Variants in FAM169A observed in about 807,000 individuals in gnomAD.
FAM169A encodes soluble lamin-associated protein of 75 kDa.
FAM169A carries 24 observed loss-of-function variants against 75.7 expected under a neutral mutation model. The ratio of observed to expected loss-of-function variants is 0.32; its 90% CI spans 0.23 to 0.45. The LOEUF (loss-of-function observed/expected upper bound fraction) is 0.45. Ranked by LOEUF, FAM169A falls within the 20% of genes least tolerant of loss-of-function variation. The probability of loss-of-function intolerance (pLI) is 1.00; values close to 1 mark genes in which losing one functional copy is unlikely to be tolerated. For synonymous variants in FAM169A, 271 were observed against 271.0 expected (o/e 1.00, Z 0.00); for missense variants, 673 against 784.0 (o/e 0.86, Z 1.69).
chr5:74,829,004 T>G (rs1296624855), intron 5 of FAM169A, among the ~76,000 whole-genome samples: 2 of 152,234 alleles, frequency 1.3e-5, no homozygotes, highest in Non-Finnish European at 2.9e-5. Context: ...ATGTATGACT[T>G]ATACAGACTT....
intron 1 of FAM169A, among the ~76,000 whole-genome samples, chr5:74,857,365 A>C (rs907510114): frequency 1.3e-5 from 2 of 151,974 alleles, no homozygotes; most frequent in Admixed American, 1.3e-4. Flanking sequence ...AGCCTGGGCA[A>C]CACGGCAAAA....
At chr5:74,858,462 C>T (rs1749839571) in intron 1 of FAM169A, among the ~76,000 whole-genome samples, 1 of 152,058 alleles carries the variant, frequency 6.6e-6, no homozygotes, top group South Asian at 2.1e-4. Context: ...AGGCTATTAT[C>T]CTAAAGGAAT....
chr5:74,855,967 G>C lies in FAM169A; in HGVS notation c.-4+10198C>G, dbSNP rs573288068. 7.2e-5 allele frequency among the ~76,000 whole-genome samples: 11 copies of C among 152,320 alleles called. No individual in the cohort carries two copies. In the South Asian group the frequency reaches 8.3e-4, roughly 11 times the overall value. On this transcript the variant is annotated intron_variant, in intron 1 of 12. Coordinates refer to ENST00000687041, the MANE Select transcript of FAM169A (RefSeq NM_001376049.1). ...TTGATTTGGTTTTTGTATATGGCAA[G>C]AGATACAGGTCTAGTTTCATTCTTC... is the stretch of plus-strand genomic sequence containing the variant.
rs1750137894 is a variant in FAM169A at position 74,863,310 on chromosome 5, AC to A, written c.-4+2854del. Among the ~76,000 whole-genome samples the A allele has an allele frequency of 1.3e-5, 2 of 152,222 alleles. 1 individual carries two copies. Among genetic ancestry groups the A allele is most frequent in the South Asian group, 4.1e-4 (2 of 4,836 alleles). ...ATTGAAACAATTGTGAAATATTCCTACCACCACTGAGGCATACCAAATTTAG... is the reference window on the plus strand; with the variant it reads ...ATTGAAACAATTGTGAAATATTCCTACACCACTGAGGCATACCAAATTTAG... On this transcript the variant is annotated intron_variant, in intron 1 of 12. Coordinates refer to ENST00000687041, the MANE Select transcript of FAM169A (RefSeq NM_001376049.1).
intron 4 of FAM169A, among the ~76,000 whole-genome samples, chr5:74,838,249 A>G (rs1748673475): frequency 6.6e-6 from 1 of 152,174 alleles, no homozygotes; most frequent in Admixed American, 6.5e-5. Context: ...TAGGTAAGCA[A>G]AGTCTAATGC....
At chr5:74,858,387 C>CA (rs960426277) in intron 1 of FAM169A, among the ~76,000 whole-genome samples, 3 of 151,792 alleles carry the variant, frequency 2.0e-5, no homozygotes, top group Non-Finnish European at 2.9e-5. Flanking sequence ...GACTCCATCT[C>CA]AAAAAAACAA....
intron 1 of FAM169A, among the ~76,000 whole-genome samples, chr5:74,845,628 T>C (rs1256554255): frequency 6.6e-6 from 1 of 152,180 alleles, no homozygotes; most frequent in Non-Finnish European, 1.5e-5. Context: ...AAATCAAAAC[T>C]TAAAAACAGA....
chr5:74,824,262 G>C (rs1393685639), intron 5 of FAM169A, among the ~76,000 whole-genome samples: 1 of 152,106 alleles, frequency 6.6e-6, no homozygotes. Flanking sequence ...AAATAACAAT[G>C]AGTACTTCAA....
In FAM169A at chr5:74,814,133, G is replaced by A. The variant is rs575510702; in HGVS notation, c.491-114C>T. 1.6e-4 allele frequency: 106 copies of A among 656,476 alleles called. 1 individual carries two copies. The South Asian group carries it at 2.9e-3, about 18-fold the overall frequency. The allele number at this position is 656,476 out of a possible 1,614,324, so 40.7% of individuals were successfully genotyped here. On this transcript the variant is annotated intron_variant, in intron 5 of 12. Coordinates refer to ENST00000687041, the MANE Select transcript of FAM169A (RefSeq NM_001376049.1). ...AAAGTTTTCTTCTATATCAAAAAAC[G>A]TTAAATATATAAATGTTATAATATA...
intron 11 of FAM169A, among the ~76,000 whole-genome samples, chr5:74,788,645 C>A (rs192374754): frequency 3.4e-4 from 51 of 151,144 alleles, no homozygotes; most frequent in Non-Finnish European, 6.0e-4. Flanking sequence ...GTGGAGGTTG[C>A]GGTGAGCCAA....
intron 10 of FAM169A, chr5:74,799,399 C>G: frequency 1.2e-6 from 2 of 1,613,130 alleles, no homozygotes; most frequent in South Asian, 2.2e-5. Context: ...GGTGAGCAAG[C>G]ACATTAAAAA....
At chr5:74,785,412 C>T (rs1471851557) in intron 11 of FAM169A, among the ~76,000 whole-genome samples, 1 of 152,182 alleles carries the variant, frequency 6.6e-6, no homozygotes, top group Non-Finnish European at 1.5e-5. Context: ...CTTTTAACTT[C>T]CTATATGTGC....
At chr5:74,838,934 A>C (rs1251877706) in intron 4 of FAM169A, 31 bp downstream of exon 4, 1 of 1,501,644 alleles carries the variant, frequency 6.7e-7, no homozygotes, top group Non-Finnish European at 9.3e-7. Context: ...TGGCCTCAAA[A>C]GAAACACTCA....
intron 1 of FAM169A, among the ~76,000 whole-genome samples, chr5:74,864,839 A>G (rs1287105695): frequency 1.3e-5 from 2 of 152,244 alleles, no homozygotes. Context: ...GCCTCTCACC[A>G]TCTCATTCCT....
chr5:74,796,272 A>G, intron 10 of FAM169A, 86 bp from the exon 11 acceptor site: 1 of 1,250,696 alleles, frequency 8.0e-7, no homozygotes, highest in Non-Finnish European at 1.1e-6. Flanking sequence ...GTAACATTTT[A>G]GAGAATCAAC....
At chr5:74,847,928 G>A (rs1299543361) in intron 1 of FAM169A, among the ~76,000 whole-genome samples, 2 of 151,940 alleles carry the variant, frequency 1.3e-5, no homozygotes, top group Non-Finnish European at 2.9e-5. Flanking sequence ...CCTCAAATTT[G>A]CATACAGAAG....
chr5:74,838,894 CTA>C, intron 4 of FAM169A, 69 bp downstream of exon 4: 2 of 1,041,234 alleles, frequency 1.9e-6, no homozygotes, highest in Non-Finnish European at 3.0e-6. Context: ...AGCTCAAAAA[CTA>C]TCACTGTTTA....
At chr5:74,844,307 T>G (rs1749033910) in intron 1 of FAM169A, among the ~76,000 whole-genome samples, 1 of 151,236 alleles carries the variant, frequency 6.6e-6, no homozygotes, top group Non-Finnish European at 1.5e-5. Context: ...TACAAAAATA[T>G]GAAAATTAGC....
intron 5 of FAM169A, among the ~76,000 whole-genome samples, chr5:74,821,553 A>C (rs1401386966): frequency 1.3e-5 from 2 of 152,232 alleles, no homozygotes; most frequent in Non-Finnish European, 2.9e-5. Flanking sequence ...GATTATCCTC[A>C]GATGAGCGAA....
Sources: allele counts gnomAD v4.1 joint callset (sites outside exome capture counted in the v4.1 genomes callset), GRCh38; gene constraint gnomAD v4.1.1; transcripts MANE v1.5; gene names NCBI Gene and HGNC (gene_info 2026-07-23, HGNC 2026-07-21).